Variants in CCDC40 observed in about 807,000 individuals in gnomAD.
CCDC40 encodes coiled-coil domain-containing protein 40.
A neutral mutation model predicts 124.5 loss-of-function variants in CCDC40; 104 were observed. That is an observed-to-expected ratio of 0.84 (90% confidence interval 0.71 to 0.98). CCDC40 has a LOEUF of 0.98. Among genes scored for constraint, CCDC40 ranks in the 50% least tolerant of loss-of-function variants. The pLI is 0.00. For missense variants in CCDC40, 1,463 were observed against 1,503.9 expected (o/e 0.97, Z 0.45); for synonymous variants, 580 against 602.9 (o/e 0.96, Z 0.56).
chr17:80,046,897 G>A (rs2037433723), intron 3 of CCDC40, among the ~76,000 whole-genome samples: 1 of 152,136 alleles, frequency 6.6e-6, no homozygotes, highest in Admixed American at 6.5e-5. Flanking sequence ...CCAGGCTGGA[G>A]TGCAGTGCTG....
intron 3 of CCDC40, among the ~76,000 whole-genome samples, chr17:80,045,044 T>G (rs1295525173): frequency 6.6e-6 from 1 of 152,192 alleles, no homozygotes; most frequent in African/African-American, 2.4e-5. Flanking sequence ...GTTTTGACCC[T>G]GGGCTCCCGT....
chr17:80,089,973 C>G, intron 17 of CCDC40, 89 bp downstream of exon 17: 1 of 1,563,042 alleles, frequency 6.4e-7, no homozygotes. Flanking sequence ...TCGGCTCTCC[C>G]GGGGCTCCTG....
At chr17:80,093,766 G>A (rs539188598) in intron 17 of CCDC40, among the ~76,000 whole-genome samples, 59 of 152,024 alleles carry the variant, frequency 3.9e-4, no homozygotes, top group East Asian at 1.9e-3. Context: ...CACCGGTTTC[G>A]GCCTCCCAAA....
Position 80,090,257 on chromosome 17 carries a change from A to C in CCDC40, c.2832+373A>C. On this transcript the variant is annotated intron_variant, in intron 17 of 19. Coordinates refer to ENST00000397545, the MANE Select transcript of CCDC40 (RefSeq NM_017950.4). ...CAGGCACGTGCACGAACAACACGGG[A>C]CGCGCGCGGGCACGTGCACGAACAA... is the stretch of plus-strand genomic sequence containing the variant. The C allele has an allele frequency of 4.6e-5, 38 of 823,338 alleles. 6 individuals carry two copies. Among genetic ancestry groups the C allele is most frequent in the South Asian group, 1.2e-4 (5 of 42,984 alleles). The allele number at this position is 823,338 out of a possible 1,614,324, so 51.0% of individuals were successfully genotyped here. A position where few individuals can be genotyped will look rare whatever the true frequency, so the allele number is the denominator to read the frequency against.
At chr17:80,072,172 G>A (rs1408130914) in intron 10 of CCDC40, among the ~76,000 whole-genome samples, 1 of 152,058 alleles carries the variant, frequency 6.6e-6, no homozygotes, top group Non-Finnish European at 1.5e-5. Flanking sequence ...TTCAACTTAC[G>A]ATGGGTTTGC....
intron 9 of CCDC40, among the ~76,000 whole-genome samples, chr17:80,062,498 C>G (rs967019482): frequency 6.8e-6 from 1 of 147,270 alleles, no homozygotes; most frequent in Non-Finnish European, 1.5e-5. Flanking sequence ...CGTTCCCCTT[C>G]CTGTGTCCAT....
intron 1 of CCDC40, 180 bp downstream of exon 1, chr17:80,036,871 C>T (rs1355990476): frequency 5.8e-6 from 3 of 518,926 alleles, no homozygotes; most frequent in African/African-American, 4.0e-5. Context: ...CGTTCAGCCC[C>T]TCACCCCCCC....
intron 6 of CCDC40, 34 bp from the exon 7 acceptor site, chr17:80,050,030 C>T (rs750028502): frequency 3.5e-5 from 56 of 1,612,972 alleles, no homozygotes; most frequent in East Asian, 6.7e-5. Context: ...CGGATGCCTG[C>T]GTCCTGGTGA....
Position 80,081,538 on chromosome 17 carries a change from T to A in CCDC40, c.1563-8T>A. 1 of 1,613,396 alleles carries A rather than the reference T, an allele frequency of 6.2e-7. No homozygotes were observed. Among genetic ancestry groups the A allele is most frequent in the Non-Finnish European group, 8.5e-7 (1 of 1,180,030 alleles). On this transcript the variant is annotated splice_polypyrimidine_tract_variant and splice_region_variant and intron_variant, in intron 10 of 19. Coordinates refer to ENST00000397545, the MANE Select transcript of CCDC40 (RefSeq NM_017950.4). Reference sequence around the variant, plus strand: ...ACGTAACTGGCTCTCCCCGCTGCATTTCTACAGAGGATGCCAGCATCAAGC... The same window carrying A: ...ACGTAACTGGCTCTCCCCGCTGCATATCTACAGAGGATGCCAGCATCAAGC...
At position 80,058,581 on chromosome 17, in the gene CCDC40, G is replaced by A. The variant is rs199666629; in HGVS notation, c.1247G>A (p.Arg416His). The change falls in exon 8 of 20, where the codon CGC (arginine) becomes CAC (histidine). Residue 416 changes from arginine (R) to histidine (H), a missense_variant. Transcript: ENST00000397545. The surrounding 1 kb of genome is among the most constrained non-coding windows in gnomAD (Gnocchi z 4.2). ...NIDQDMRDDIRVMTQVVKKAE... is the reference protein window; with the variant it reads ...NIDQDMRDDIHVMTQVVKKAE... Reference sequence around the variant, plus strand: ...GACCAGGACATGCGTGACGACATCCGCGTGATGACACAAGTGGTAAAGAAG... The same window carrying A: ...GACCAGGACATGCGTGACGACATCCACGTGATGACACAAGTGGTAAAGAAG... 9.9e-6 allele frequency: 16 copies of A among 1,614,170 alleles called. No individual in the cohort carries two copies. The highest frequency in any genetic ancestry group is 7.7e-5 in the South Asian group (7 of 91,086).
At chr17:80,044,058 T>C (rs947551182) in intron 3 of CCDC40, among the ~76,000 whole-genome samples, 5 of 152,142 alleles carry the variant, frequency 3.3e-5, no homozygotes, top group African/African-American at 1.2e-4. Flanking sequence ...GACTATGGGA[T>C]AGACACTGTT....
chr17:80,047,402 G>GGT lies in CCDC40; in HGVS notation c.676+2_676+3dup, dbSNP rs756160039. ...GGAGGAGTTCGTCTCGCAGGAGCCA[G>GGT]GTGCCACCCACCTGCTGAGGTCACC... On this transcript the variant is annotated frameshift_variant and splice_region_variant. Coordinates refer to ENST00000397545, the MANE Select transcript of CCDC40 (RefSeq NM_017950.4). LOFTEE classifies it high-confidence loss of function. The GGT allele has an allele frequency of 5.1e-5, 83 of 1,611,750 alleles. No individual in the cohort carries two copies. In the African/African-American group the frequency reaches 1.0e-3, roughly 19 times the overall value.
intron 10 of CCDC40, among the ~76,000 whole-genome samples, chr17:80,078,159 A>G (rs754390778): frequency 5.9e-4 from 90 of 151,930 alleles, no homozygotes; most frequent in East Asian, 2.9e-3. Context: ...GTGAAACCCC[A>G]TCTCTACTAA....
chr17:80,085,612 A>G (rs1272655644), intron 13 of CCDC40, among the ~76,000 whole-genome samples: 3 of 150,960 alleles, frequency 2.0e-5, no homozygotes, highest in African/African-American at 7.3e-5. Flanking sequence ...TCAGGGTTCC[A>G]GGCCCTCTGC....
intron 7 of CCDC40, among the ~76,000 whole-genome samples, chr17:80,051,728 T>G (rs996001152): frequency 2.6e-5 from 4 of 151,406 alleles, no homozygotes; most frequent in East Asian, 1.9e-4. Context: ...ACATCCACAC[T>G]GAACTGAAAG....
At chr17:80,053,960 G>A (rs1468997584) in intron 7 of CCDC40, among the ~76,000 whole-genome samples, 1 of 152,170 alleles carries the variant, frequency 6.6e-6, no homozygotes, top group African/African-American at 2.4e-5. Flanking sequence ...ACTTCTGGCT[G>A]CAGCCAAATC....
Position 80,085,003 on chromosome 17 carries a change from A to G in CCDC40, c.2235+15A>G, listed in dbSNP as rs566067180. 1.8e-4 allele frequency: 288 copies of G among 1,612,752 alleles called. No homozygotes were observed. The highest frequency in any genetic ancestry group is 2.3e-4 in the Non-Finnish European group (275 of 1,179,952). On this transcript the variant is annotated intron_variant, in intron 13 of 19. Transcript: ENST00000397545. ...CCGAGCTGGGGGTGAGGTCCCAGGC[A>G]GGGAGACGTGGTCCCCGGCTGACTG...
rs756397983 is a variant in CCDC40 at position 80,087,683 on chromosome 17, G to T, written c.2526G>T (p.Lys842Asn). The T allele has an allele frequency of 6.2e-7, 1 of 1,614,022 alleles. No individual in the cohort carries two copies. Among genetic ancestry groups the T allele is most frequent in the Non-Finnish European group, 8.5e-7 (1 of 1,179,846 alleles). The change falls in exon 15 of 20, where the codon AAG (lysine) becomes AAT (asparagine). Residue 842 changes from lysine to asparagine, a missense_variant. Physicochemically the swap from Lys to Asn is moderately conservative, Grantham distance 94 (BLOSUM62 0). Transcript: ENST00000397545. The surrounding 1 kb of genome is among the most constrained non-coding windows in gnomAD (Gnocchi z 4.5). ...HMKDLDNDLK[K>N]LNMLMNKNRC... ...AGGACCTGGACAACGACCTGAAGAA[G>T]CTCAACATGTTGATGAATAAAAACC...
At chr17:80,055,284 A>C (rs1302939964) in intron 7 of CCDC40, among the ~76,000 whole-genome samples, 1 of 152,250 alleles carries the variant, frequency 6.6e-6, no homozygotes, top group Admixed American at 6.5e-5. Context: ...TGAAATACTG[A>C]AATTCTCAAC....
Sources: gnomAD v4.1 joint callset for allele counts (sites outside exome capture counted in the v4.1 genomes callset) on GRCh38, gnomAD v4.1.1 for gene constraint, Gnocchi (gnomAD v3.1) non-coding constraint, MANE v1.5 for transcripts, NCBI Gene and HGNC (gene_info 2026-07-23, HGNC 2026-07-21) for gene names.